Variants in DNER observed in about 807,000 individuals in gnomAD.
DNER encodes the protein delta and Notch-like epidermal growth factor-related receptor.
DNER carries 33 observed loss-of-function variants against 78.2 expected under a neutral mutation model. The ratio of observed to expected loss-of-function variants is 0.42; its 90% CI spans 0.32 to 0.56. DNER has a LOEUF of 0.56. DNER is among the 20% of genes least tolerant of loss of function. The pLI, the probability that DNER is intolerant of heterozygous loss-of-function variation, is 0.11. For missense variants in DNER, 918 were observed against 975.3 expected, an observed-to-expected ratio of 0.94 and a Z score of 0.78; for synonymous variants, 417 against 384.8, an observed-to-expected ratio of 1.08 and a Z score of -0.98.
intron 4 of DNER, among the ~76,000 whole-genome samples, chr2:229,575,006 A>C (rs1458476159): frequency 6.6e-6 from 1 of 152,232 alleles, no homozygotes; most frequent in Non-Finnish European, 1.5e-5. Flanking sequence ...TATTTAATCG[A>C]ATTCCACAGA....
rs549643547 is a variant in DNER at position 229,660,085 on chromosome 2, T to C, written c.276+54063A>G. On this transcript the variant is annotated intron_variant, in intron 1 of 12. Coordinates refer to ENST00000341772, the MANE Select transcript of DNER (RefSeq NM_139072.4). ...CTTTTAGTAGAGGTGACATTCTTCATTGACTTCTTTTAAGGAAATGTAAAT... is the reference window on the plus strand; with the variant it reads ...CTTTTAGTAGAGGTGACATTCTTCACTGACTTCTTTTAAGGAAATGTAAAT... 9.2e-5 allele frequency among the ~76,000 whole-genome samples: 14 copies of C among 152,282 alleles called. No individual in the cohort carries two copies. In the South Asian group the frequency reaches 2.5e-3, roughly 27 times the overall value.
intron 8 of DNER, among the ~76,000 whole-genome samples, chr2:229,440,710 T>C (rs1436047020): frequency 2.6e-5 from 4 of 152,228 alleles, no homozygotes; most frequent in Non-Finnish European, 4.4e-5. Flanking sequence ...CAGCCTGCTG[T>C]ACCCAAGCCC....
At chr2:229,542,848 T>A (rs1262971288) in intron 5 of DNER, among the ~76,000 whole-genome samples, 1 of 151,740 alleles carries the variant, frequency 6.6e-6, no homozygotes, top group African/African-American at 2.4e-5. Flanking sequence ...CCCCCAGACA[T>A]TTCTCTCCAA....
intron 1 of DNER, among the ~76,000 whole-genome samples, chr2:229,614,504 C>T (rs1009984517): frequency 1.3e-5 from 2 of 152,202 alleles, no homozygotes; most frequent in Admixed American, 6.5e-5. Flanking sequence ...TTAACTCCAT[C>T]CTCCTTCCCA....
chr2:229,671,381 G>A (rs542907883), intron 1 of DNER, among the ~76,000 whole-genome samples: 2 of 152,288 alleles, frequency 1.3e-5, no homozygotes, highest in Middle Eastern at 6.8e-3. Context: ...TCCTCTAGCT[G>A]CTTAAAATTC....
rs1696645118 is a variant in DNER at position 229,547,215 on chromosome 2, G to A, written c.848-123C>T. ...TTTAGTGTAGGCAGCACTCAAGTCT[G>A]ACAAAACAAAATGCAGTGAGGCAAG... On this transcript the variant is annotated intron_variant, in intron 4 of 12. Coordinates refer to ENST00000341772, the MANE Select transcript of DNER (RefSeq NM_139072.4). 2.1e-5 allele frequency: 28 copies of A among 1,362,982 alleles called. No individual in the cohort carries two copies. In the South Asian group the frequency reaches 4.1e-4, roughly 20 times the overall value. The allele number at this position is 1,362,982 out of a possible 1,614,324, so 84.4% of individuals were successfully genotyped here. A position where few individuals can be genotyped will look rare whatever the true frequency, so the allele number is the denominator to read the frequency against.
chr2:229,637,694 T>C (rs1436130633), intron 1 of DNER, among the ~76,000 whole-genome samples: 1 of 152,232 alleles, frequency 6.6e-6, no homozygotes, highest in Non-Finnish European at 1.5e-5. Context: ...ATATTTGCAA[T>C]GTAGAAATTG....
intron 5 of DNER, among the ~76,000 whole-genome samples, chr2:229,543,656 G>A (rs76727601): frequency 0.05 from 7,669 of 152,150 alleles, 627 homozygotes; most frequent in African/African-American, 0.17. Flanking sequence ...CCTCCTCCCC[G>A]AAGGCTCACT....
chr2:229,502,436 A>T (rs1003817981), intron 6 of DNER, among the ~76,000 whole-genome samples: 4 of 152,130 alleles, frequency 2.6e-5, no homozygotes, highest in Admixed American at 6.5e-5. Flanking sequence ...ACTGCTTGTC[A>T]ATAAGAGAGA....
At chr2:229,648,738 T>C (rs1327802522) in intron 1 of DNER, among the ~76,000 whole-genome samples, 4 of 152,228 alleles carry the variant, frequency 2.6e-5, no homozygotes, top group Admixed American at 2.6e-4. Context: ...ACAGATATTA[T>C]ACGGTAAACT....
intron 4 of DNER, among the ~76,000 whole-genome samples, chr2:229,568,652 A>G (rs1697156663): frequency 1.3e-5 from 2 of 152,028 alleles, no homozygotes; most frequent in Non-Finnish European, 2.9e-5. Context: ...TTTGCAAACC[A>G]TTGTTTCTTT....
chr2:229,545,076 G>A (rs182580464), intron 5 of DNER, among the ~76,000 whole-genome samples: 1 of 152,170 alleles, frequency 6.6e-6, no homozygotes, highest in South Asian at 2.1e-4. Context: ...TTTGGGGTTT[G>A]GGAATCCACT....
chr2:229,497,320 T>A (rs1312716596), intron 6 of DNER, among the ~76,000 whole-genome samples: 2 of 152,032 alleles, frequency 1.3e-5, no homozygotes, highest in Admixed American at 6.6e-5. Context: ...GAGGAAAGGA[T>A]GTAACAATAA....
chr2:229,662,403 G>A (rs1699023204), intron 1 of DNER, among the ~76,000 whole-genome samples: 1 of 152,126 alleles, frequency 6.6e-6, no homozygotes, highest in South Asian at 2.1e-4. Context: ...CTATTCTAAG[G>A]GTTTTACATG....
intron 5 of DNER, among the ~76,000 whole-genome samples, chr2:229,546,123 T>C (rs7420119): frequency 6.6e-6 from 1 of 152,212 alleles, no homozygotes; most frequent in Non-Finnish European, 1.5e-5. Context: ...GATTTAAATA[T>C]CTATATGTTG....
In DNER at chr2:229,546,826, C is replaced by CAGATAGAT. The variant is rs1375714652; in HGVS notation, c.993+120_993+121insATCTATCT. On this transcript the variant is annotated intron_variant, in intron 5 of 12. Coordinates refer to ENST00000341772, the MANE Select transcript of DNER (RefSeq NM_139072.4). ...ATAGACAGACAGACAGACAGACAGA[C>CAGATAGAT]AGACAGATAGATAGATAGAGCAAGG... 1.1e-3 allele frequency: 1,521 copies of CAGATAGAT among 1,388,256 alleles called. 10 individuals are homozygous for CAGATAGAT. The African/African-American group carries it at 0.02, about 19-fold the overall frequency. 86.0% of individuals were successfully genotyped at this position (1,388,256 alleles called of 1,614,324 possible).
chr2:229,520,596 A>AT (rs1319515630), intron 5 of DNER, among the ~76,000 whole-genome samples: 24 of 152,276 alleles, frequency 1.6e-4, no homozygotes, highest in Non-Finnish European at 3.4e-4. Context: ...TATGTTTGAG[A>AT]TTTTCCATAA....
At chr2:229,364,844 CTTTTTTTTTTTTTTTTT>C in intron 12 of DNER, among the ~76,000 whole-genome samples, 1 of 75,488 alleles carries the variant, frequency 1.3e-5, no homozygotes, top group Non-Finnish European at 2.4e-5. Context: ...CTCTCTCTCT[CTTTTTTTTTTTTTTTTT>C]TTTTTTTTAG....
chr2:229,550,852 G>A (rs184470180), intron 4 of DNER, among the ~76,000 whole-genome samples: 13 of 152,292 alleles, frequency 8.5e-5, no homozygotes, highest in African/African-American at 2.4e-4. Flanking sequence ...CAGAGCCCAC[G>A]TTGGTTCACC....
Sources: allele counts gnomAD v4.1 joint callset (sites outside exome capture counted in the v4.1 genomes callset), GRCh38; gene constraint gnomAD v4.1.1; transcripts MANE v1.5; gene names NCBI Gene and HGNC (gene_info 2026-07-23, HGNC 2026-07-21).